The following SYT1 variants were observed in gnomAD, a reference collection of about 807,000 sequenced individuals.
SYT1 encodes synaptotagmin-1.
Under a neutral mutation model 44.8 loss-of-function variants are expected in SYT1, and 8 were observed. The observed-to-expected ratio is 0.18, with a 90% CI of 0.10 to 0.32. The LOEUF is 0.32. SYT1 is among the 10% of genes least tolerant of loss of function. SYT1 has a pLI of 1.00. For missense variants in SYT1, 286 were observed against 509.3 expected (o/e 0.56, Z 4.22); for synonymous variants, 154 against 188.8 (o/e 0.82, Z 1.51).
At chr12:79,268,944 T>A (rs1878272961) in intron 4 of SYT1, among the ~76,000 whole-genome samples, 1 of 152,048 alleles carries the variant, frequency 6.6e-6, no homozygotes, top group Non-Finnish European at 1.5e-5. Context: ...AGAGAAAGGA[T>A]GAAAGAGAGG....
At chr12:79,146,605 C>G (rs547927952) in intron 3 of SYT1, among the ~76,000 whole-genome samples, 5 of 152,242 alleles carry the variant, frequency 3.3e-5, no homozygotes, top group South Asian at 2.1e-4. Context: ...AGACATTCAC[C>G]TCAGAAGCCA....
chr12:79,225,000 C>T (rs998367424), intron 4 of SYT1, among the ~76,000 whole-genome samples: 1 of 151,664 alleles, frequency 6.6e-6, no homozygotes, highest in African/African-American at 2.4e-5. Flanking sequence ...AGGCTGGTCT[C>T]GAACTCCCGA....
intron 7 of SYT1, among the ~76,000 whole-genome samples, chr12:79,297,203 G>A (rs571146558): frequency 6.6e-6 from 1 of 152,142 alleles, no homozygotes; most frequent in Non-Finnish European, 1.5e-5. Flanking sequence ...TCAAGACAAA[G>A]GTCCCTCATG....
chr12:79,308,419 G>A (rs1199160435), intron 8 of SYT1, among the ~76,000 whole-genome samples: 1 of 150,894 alleles, frequency 6.6e-6, no homozygotes, highest in Non-Finnish European at 1.5e-5. Context: ...AGCTACTCGG[G>A]AGGCTGAAGC....
rs1880598098 is a variant in SYT1, at chr12:79,308,645, AAAG to A, written c.810+9097_810+9099del. ...GAAAGAAAGAAAGAAAGAAAGAAAGAAAGAAAGAAAGAAAAGAGAAGGAAGCAA... is the reference window on the plus strand; with the variant it reads ...GAAAGAAAGAAAGAAAGAAAGAAAGAAAAGAAAGAAAAGAGAAGGAAGCAA... On this transcript the variant is annotated intron_variant, in intron 8 of 10. Coordinates refer to ENST00000261205, the MANE Select transcript of SYT1 (RefSeq NM_005639.3). Among the ~76,000 whole-genome samples, 3 of 114,712 alleles carry A rather than the reference AAAG, an allele frequency of 2.6e-5. 1 individual carries two copies. Among genetic ancestry groups the A allele is most frequent in the African/African-American group, 8.2e-5 (2 of 24,524 alleles). The allele number at this position is 114,712 out of a possible 152,430, so 75.3% of individuals were successfully genotyped here. A position where few individuals can be genotyped will look rare whatever the true frequency, so the allele number is the denominator to read the frequency against.
At chr12:79,346,060 C>T (rs555543490) in intron 8 of SYT1, among the ~76,000 whole-genome samples, 6 of 152,336 alleles carry the variant, frequency 3.9e-5, no homozygotes, top group South Asian at 2.1e-4. Context: ...GAAAAACTCA[C>T]TCAAGAGTAC....
chr12:79,063,748 C>T (rs1875555634), intron 3 of SYT1, among the ~76,000 whole-genome samples: 1 of 152,054 alleles, frequency 6.6e-6, no homozygotes, highest in Non-Finnish European at 1.5e-5. Flanking sequence ...TTGTTGGATT[C>T]AATAGGGAAA....
chr12:79,018,228 G>T (rs1463880750), intron 2 of SYT1, among the ~76,000 whole-genome samples: 1 of 151,170 alleles, frequency 6.6e-6, no homozygotes, highest in Non-Finnish European at 1.5e-5. Context: ...ATCATTCTCA[G>T]CAAACTATCG....
intron 9 of SYT1, among the ~76,000 whole-genome samples, chr12:79,405,820 G>A (rs544506450): frequency 1.4e-4 from 21 of 151,994 alleles, no homozygotes; most frequent in African/African-American, 5.1e-4. Flanking sequence ...TTCCATGATT[G>A]TCTCCTCATG....
chr12:79,244,695 C>T (rs1326960074), intron 4 of SYT1, among the ~76,000 whole-genome samples: 1 of 150,242 alleles, frequency 6.7e-6, no homozygotes, highest in African/African-American at 2.5e-5. Context: ...CAGAGAGAGA[C>T]CCTGTCTCAA....
At chr12:78,867,984 A>G (rs947840559) in intron 1 of SYT1, among the ~76,000 whole-genome samples, 1 of 151,934 alleles carries the variant, frequency 6.6e-6, no homozygotes, top group Non-Finnish European at 1.5e-5. Context: ...AACACCATTA[A>G]CATAATATCA....
At chr12:79,252,824 A>G (rs745418248) in intron 4 of SYT1, among the ~76,000 whole-genome samples, 11 of 152,216 alleles carry the variant, frequency 7.2e-5, no homozygotes, top group Non-Finnish European at 1.5e-5. Flanking sequence ...ACAATAACGC[A>G]TTTAACTTTC....
At chr12:79,399,280 G>A (rs555303745) in intron 9 of SYT1, among the ~76,000 whole-genome samples, 1 of 144,986 alleles carries the variant, frequency 6.9e-6, no homozygotes, top group South Asian at 2.3e-4. Flanking sequence ...GTCATCTGCA[G>A]TAATTTGAAT....
chr12:78,990,872 C>T (rs2137482919), intron 2 of SYT1, among the ~76,000 whole-genome samples: 1 of 152,226 alleles, frequency 6.6e-6, no homozygotes, highest in East Asian at 1.9e-4. Flanking sequence ...AGCTCAAGCT[C>T]ACTTGTGTCA....
chr12:79,123,718 T>G (rs1015574804), intron 3 of SYT1, among the ~76,000 whole-genome samples: 1 of 152,214 alleles, frequency 6.6e-6, no homozygotes, highest in African/African-American at 2.4e-5. Flanking sequence ...AGGTTCTGTT[T>G]TCCATTTTCT....
At chr12:79,263,055 A>G (rs1190855713) in intron 4 of SYT1, among the ~76,000 whole-genome samples, 1 of 152,190 alleles carries the variant, frequency 6.6e-6, no homozygotes, top group African/African-American at 2.4e-5. Flanking sequence ...CCCCCTCTGC[A>G]ATGTCCAGAA....
At chr12:79,354,125 T>C (rs998806137) in intron 9 of SYT1, among the ~76,000 whole-genome samples, 2 of 152,172 alleles carry the variant, frequency 1.3e-5, no homozygotes, top group Non-Finnish European at 2.9e-5. Flanking sequence ...TGGTAATGCA[T>C]TTAATTCCAC....
intron 3 of SYT1, among the ~76,000 whole-genome samples, chr12:79,192,492 C>T (rs1161995210): frequency 6.6e-6 from 1 of 152,010 alleles, no homozygotes. Flanking sequence ...TCGGGGAATA[C>T]TGATGAGGAT....
Position 79,120,080 on chromosome 12 carries a change from A to G in SYT1, c.-18+72718A>G, listed in dbSNP as rs373877657. ...AAGGAATTCAGCTCCCTGGCTCCCT[A>G]TCTGTTCTGCTGCTTGTGGGCAATA... On this transcript the variant is annotated intron_variant, in intron 3 of 10. Coordinates refer to ENST00000261205, the MANE Select transcript of SYT1 (RefSeq NM_005639.3). Among the ~76,000 whole-genome samples, 8 of 152,260 alleles carry G rather than the reference A, an allele frequency of 5.3e-5. No homozygotes were observed. In the East Asian group the frequency reaches 9.7e-4, roughly 18 times the overall value.
Sources: allele counts gnomAD v4.1 joint callset (sites outside exome capture counted in the v4.1 genomes callset), GRCh38; gene constraint gnomAD v4.1.1; transcripts MANE v1.5; gene names NCBI Gene and HGNC (gene_info 2026-07-23, HGNC 2026-07-21).